H6PD: variants seen among roughly 807,000 people sequenced by gnomAD.
H6PD encodes GDH/6PGL endoplasmic bifunctional protein.
A neutral mutation model predicts 61.2 loss-of-function variants in H6PD; 48 were observed. The ratio of observed to expected loss-of-function variants is 0.78; its 90% confidence interval spans 0.62 to 1.00. The LOEUF is 1.00. H6PD is among the 50% of genes least tolerant of loss of function. The pLI, the probability that H6PD is intolerant of heterozygous loss-of-function variation, is 0.00. For synonymous variants in H6PD, 480 were observed against 457.9 expected, an observed-to-expected ratio of 1.05 and a Z score of -0.62; for missense variants, 1,093 against 1,065.0, an observed-to-expected ratio of 1.03 and a Z score of -0.37.
chr1:9,267,308 T>A lies in H6PD; in HGVS notation c.*2439T>A, dbSNP rs45500494. The A allele has an allele frequency of 4.4e-3, 675 of 152,594 alleles. 6 individuals are homozygous for A. The highest frequency in any genetic ancestry group is 4.8e-3 in the Non-Finnish European group (327 of 68,292). The allele number at this position is 152,594 out of a possible 1,614,324, so 9.5% of individuals were successfully genotyped here. On this transcript the variant is annotated 3_prime_UTR_variant, in exon 5 of 5. Coordinates refer to ENST00000377403, the MANE Select transcript of H6PD (RefSeq NM_004285.4). ...GCGTGGGGGGGCCCTTGCACCGCAC[T>A]GCCGCCTCCTGACTGCCCCTATCCC... is the stretch of plus-strand genomic sequence containing the variant.
In H6PD at chr1:9,263,708, C is replaced by A. The variant is rs574364535; in HGVS notation, c.1215C>A (p.Gly405=). 3 of 1,613,982 alleles carry A rather than the reference C, an allele frequency of 1.9e-6. No homozygotes were observed. The highest frequency in any genetic ancestry group is 2.2e-5 in the South Asian group (2 of 91,078). The part of the protein sequence containing the change: ...PRQLVFHIGH[G]DLGSPAVLVS... ...AGCTCGTCTTCCACATCGGCCATGG[C>A]GACCTGGGCAGCCCTGCCGTGCTGG... is the stretch of plus-strand genomic sequence containing the variant. Residue 405 remains glycine, a synonymous_variant, in exon 5 of 5, where the codon GGC becomes GGA. Transcript: ENST00000377403.
chr1:9,255,249 T>C (rs1261241443), intron 3 of H6PD, among the ~76,000 whole-genome samples: 1 of 151,748 alleles, frequency 6.6e-6, no homozygotes, highest in Non-Finnish European at 1.5e-5. Context: ...GTTTAACTGT[T>C]TGAGGCCAAT....
intron 3 of H6PD, among the ~76,000 whole-genome samples, chr1:9,250,676 G>A (rs950898146): frequency 7.9e-5 from 12 of 152,152 alleles, no homozygotes; most frequent in African/African-American, 2.7e-4. Flanking sequence ...CTGCGTAACC[G>A]AAGCCAGCAC....
intron 1 of H6PD, among the ~76,000 whole-genome samples, chr1:9,241,642 C>G (rs112405343): frequency 0.032 from 4,876 of 152,312 alleles, 227 homozygotes; most frequent in African/African-American, 0.11. Flanking sequence ...TCAAGTGATC[C>G]TCCTGCCTTG....
At chr1:9,259,074 C>T (rs1641626095) in intron 3 of H6PD, among the ~76,000 whole-genome samples, 1 of 152,212 alleles carries the variant, frequency 6.6e-6, no homozygotes, top group African/African-American at 2.4e-5. Flanking sequence ...TCACTGCAAG[C>T]TCTGCCTCCT....
intron 3 of H6PD, among the ~76,000 whole-genome samples, 175 bp downstream of exon 3, chr1:9,247,258 C>A (rs1641210245): frequency 6.6e-6 from 1 of 152,178 alleles, no homozygotes; most frequent in African/African-American, 2.4e-5. Flanking sequence ...CTGCAAAGCC[C>A]AAGTAGCCAT....
At chr1:9,260,877 A>G (rs1638247197) in intron 3 of H6PD, among the ~76,000 whole-genome samples, 1 of 151,906 alleles carries the variant, frequency 6.6e-6, no homozygotes, top group Admixed American at 6.6e-5. Context: ...CCCTCCACCA[A>G]ACCCCTCTGC....
chr1:9,264,786 C>T lies in H6PD; in HGVS notation c.2293C>T (p.Pro765Ser). ...GCTGGTGAGCCGGGTGGGCCATGAG[C>T]CCAAGAAGTGGCCCATCTCGGGTGT... Reference protein sequence around the residue: ...TTLVSRVGHEPKKWPISGVLP... With the variant: ...TTLVSRVGHESKKWPISGVLP... The change falls in exon 5 of 5, where the codon CCC (proline) becomes TCC (serine). Residue 765 changes from proline (P) to serine (S), a missense_variant. Transcript: ENST00000377403. The T allele has an allele frequency of 6.2e-7, 1 of 1,613,098 alleles. No individual in the cohort carries two copies. The highest frequency in any genetic ancestry group is 1.7e-5 in the Admixed American group (1 of 60,024).
At chr1:9,251,436 CTGTTGTTGTTGTTGT>C (rs58988268) in intron 3 of H6PD, among the ~76,000 whole-genome samples, 1 of 151,136 alleles carries the variant, frequency 6.6e-6, no homozygotes, top group Non-Finnish European at 1.5e-5. Flanking sequence ...AGAAGGCCTG[CTGTTGTTGTTGTTGT>C]TGTTGTTGTT....
intron 3 of H6PD, among the ~76,000 whole-genome samples, chr1:9,253,568 TC>T: frequency 6.6e-6 from 1 of 152,246 alleles, no homozygotes; most frequent in African/African-American, 2.4e-5. Context: ...GAAACCCTTT[TC>T]TTTCTTAGGG....
intron 2 of H6PD, among the ~76,000 whole-genome samples, chr1:9,246,109 A>AC (rs1035427939): frequency 1.3e-5 from 2 of 151,840 alleles, no homozygotes; most frequent in Non-Finnish European, 2.9e-5. Context: ...TGCCCGGCTA[A>AC]TTTTTTGCAT....
At chr1:9,238,456 C>T (rs113225698) in intron 1 of H6PD, among the ~76,000 whole-genome samples, 2,569 of 152,192 alleles carry the variant, frequency 0.017, 67 homozygotes, top group African/African-American at 0.059. Flanking sequence ...GTAATCCAGA[C>T]GGAGATGACG....
rs116693309 is a variant in H6PD at position 9,249,540 on chromosome 1, A to G, written c.745+2457A>G. On this transcript the variant is annotated intron_variant, in intron 3 of 4. Transcript: ENST00000377403. Reference sequence around the variant, plus strand: ...AAGGAGGCCCAGCCTTGCCTGCCATATGGGGCTCTAGGGGAGGGTCCGCCG... The same window carrying G: ...AAGGAGGCCCAGCCTTGCCTGCCATGTGGGGCTCTAGGGGAGGGTCCGCCG... 7.5e-3 allele frequency among the ~76,000 whole-genome samples: 1,139 copies of G among 152,178 alleles called. 13 individuals are homozygous for G. The highest frequency in any genetic ancestry group is 0.026 in the African/African-American group (1,078 of 41,498).
At position 9,268,236 on chromosome 1, in the gene H6PD, C is replaced by T. The variant is rs1296719173; in HGVS notation, c.*3367C>T. On this transcript the variant is annotated 3_prime_UTR_variant, in exon 5 of 5. Coordinates refer to ENST00000377403, the MANE Select transcript of H6PD (RefSeq NM_004285.4). ...CCTGGAAAACAGAGTGAGACCCTAT[C>T]TCAAAAAAAAAAAAAAAAAAAAAGG... 1 of 99,540 alleles carries T rather than the reference C, an allele frequency of 1.0e-5. No individual in the cohort carries two copies. The highest frequency in any genetic ancestry group is 2.0e-5 in the Non-Finnish European group (1 of 49,176). The allele number at this position is 99,540 out of a possible 1,614,324, so 6.2% of individuals were successfully genotyped here. A position where few individuals can be genotyped will look rare whatever the true frequency, so the allele number is the denominator to read the frequency against.
intron 3 of H6PD, among the ~76,000 whole-genome samples, chr1:9,257,555 C>T (rs1035093729): frequency 6.6e-6 from 1 of 151,510 alleles, no homozygotes; most frequent in African/African-American, 2.4e-5. Context: ...CTCTGCTGTC[C>T]ACTGTCTGAA....
rs746395721 is a variant in H6PD, at chr1:9,264,885, T to C, written c.*16T>C. ...CCTGGGATGAGGGCGCCTGTGCCCC[T>C]TGCCCGCTTCGCTCCTGTGCTTTCC... is the stretch of plus-strand genomic sequence containing the variant. On this transcript the variant is annotated 3_prime_UTR_variant, in exon 5 of 5. Coordinates refer to ENST00000377403, the MANE Select transcript of H6PD (RefSeq NM_004285.4). 4.3e-6 allele frequency: 7 copies of C among 1,610,218 alleles called. No individual in the cohort carries two copies. The Admixed American group carries it at 6.7e-5, about 15-fold the overall frequency.
intron 2 of H6PD, 68 bp from the exon 3 acceptor site, chr1:9,246,898 C>T (rs1333991780): frequency 6.4e-6 from 7 of 1,088,974 alleles, no homozygotes; most frequent in Admixed American, 3.4e-5. Flanking sequence ...GAGCCCTTCC[C>T]GGGAGTCAGG....
chr1:9,261,080 G>A (rs571054817), intron 3 of H6PD, among the ~76,000 whole-genome samples: 4 of 152,082 alleles, frequency 2.6e-5, no homozygotes, highest in East Asian at 1.9e-4. Context: ...AGGCCCTGTC[G>A]TCTCTGCTGG....
Position 9,263,873 on chromosome 1 carries a change from C to G in H6PD, c.1380C>G (p.Val460=). The G allele has an allele frequency of 6.2e-7, 1 of 1,614,148 alleles. No individual in the cohort carries two copies. Among genetic ancestry groups the G allele is most frequent in the Non-Finnish European group, 8.5e-7 (1 of 1,180,042 alleles). The change falls in exon 5 of 5, where the codon GTC becomes GTG. Residue 460 remains valine, a synonymous_variant. Transcript: ENST00000377403. ...SPVRERDAHS[V]LLSHIFHGRK... ...TGCGGGAGCGGGACGCCCACTCCGTCCTCTTATCCCATATCTTCCATGGCC... is the reference window on the plus strand; with the variant it reads ...TGCGGGAGCGGGACGCCCACTCCGTGCTCTTATCCCATATCTTCCATGGCC...
Sources: gnomAD v4.1 joint callset for allele counts (sites outside exome capture counted in the v4.1 genomes callset) on GRCh38, gnomAD v4.1.1 for gene constraint, MANE v1.5 for transcripts, NCBI Gene and HGNC (gene_info 2026-07-23, HGNC 2026-07-21) for gene names.